ASPH: variants seen among roughly 807,000 people sequenced by gnomAD.
ASPH encodes aspartate beta-hydroxylase.
A neutral mutation model predicts 118.4 loss-of-function variants in ASPH; 100 were observed. That is an observed-to-expected ratio of 0.84 (90% CI 0.72 to 1.00). The LOEUF is 1.00. Ranked by LOEUF, ASPH falls within the 50% of genes least tolerant of loss-of-function variation. ASPH has a pLI of 0.00. For synonymous variants in ASPH, 315 were observed against 325.6 expected, an observed-to-expected ratio of 0.97 and a Z score of 0.35; for missense variants, 920 against 919.5, an observed-to-expected ratio of 1.00 and a Z score of -0.01.
chr8:61,676,742 G>A (rs1450389286), intron 3 of ASPH, among the ~76,000 whole-genome samples: 8 of 152,110 alleles, frequency 5.3e-5, no homozygotes, highest in African/African-American at 1.4e-4. Flanking sequence ...AGATTTTATC[G>A]AGAGTTGATT....
intron 24 of ASPH, among the ~76,000 whole-genome samples, chr8:61,512,481 AAC>A (rs1230167092): frequency 6.6e-6 from 1 of 152,210 alleles, no homozygotes; most frequent in Non-Finnish European, 1.5e-5. Context: ...AGGACAGGGG[AAC>A]AGATTCTCCC....
chr8:61,635,521 C>T (rs1005696673), intron 12 of ASPH, among the ~76,000 whole-genome samples: 2 of 152,102 alleles, frequency 1.3e-5, no homozygotes, highest in Non-Finnish European at 2.9e-5. Context: ...AATGTCTGAT[C>T]TGGGGCGTTT....
In ASPH at chr8:61,633,788, G is replaced by A. The variant is rs1004022276; in HGVS notation, c.890-61C>T. 53 of 1,156,810 alleles carry A rather than the reference G, an allele frequency of 4.6e-5. No individual in the cohort carries two copies. In the East Asian group the frequency reaches 6.0e-4, roughly 13 times the overall value. The allele number at this position is 1,156,810 out of a possible 1,614,324, so 71.7% of individuals were successfully genotyped here. ...TTGCTGATCAGTGTTTAAAATATGC[G>A]TTGCCAGATTTAAGTAATGATGATA... On this transcript the variant is annotated intron_variant, in intron 12 of 24. Transcript: ENST00000379454.
At chr8:61,571,990 T>G (rs1833606417) in intron 16 of ASPH, among the ~76,000 whole-genome samples, 1 of 152,240 alleles carries the variant, frequency 6.6e-6, no homozygotes, top group African/African-American at 2.4e-5. Context: ...CTGCTAAAGC[T>G]GGTCTGTACC....
chr8:61,523,329 T>TTTG (rs1813916467), intron 22 of ASPH, among the ~76,000 whole-genome samples: 3 of 150,690 alleles, frequency 2.0e-5, no homozygotes, highest in Non-Finnish European at 3.0e-5. Context: ...TCTTTTTTTT[T>TTTG]TTTTTTTTGA....
chr8:61,578,818 T>C (rs1836300411), intron 15 of ASPH: 3 of 1,607,326 alleles, frequency 1.9e-6, no homozygotes, highest in South Asian at 1.1e-5. Flanking sequence ...AAGAAGGATG[T>C]GGATGAAGCT....
chr8:61,657,052 A>T (rs1447887714), intron 3 of ASPH: 1 of 152,262 alleles, frequency 6.6e-6, no homozygotes. Flanking sequence ...GAAACTTAAA[A>T]AATAAGAAAC....
At chr8:61,676,680 G>A (rs1389975533) in intron 3 of ASPH, among the ~76,000 whole-genome samples, 1 of 151,826 alleles carries the variant, frequency 6.6e-6, no homozygotes, top group Non-Finnish European at 1.5e-5. Flanking sequence ...GCAGTATCAG[G>A]GAAAAAAAGA....
chr8:61,535,475 A>T (rs1819141551), intron 21 of ASPH, among the ~76,000 whole-genome samples: 1 of 152,214 alleles, frequency 6.6e-6, no homozygotes, highest in Non-Finnish European at 1.5e-5. Flanking sequence ...AGGCATCGAG[A>T]AAACAGACAC....
rs545547366 is a variant in ASPH, at chr8:61,578,373, G to A, written c.1063-1515C>T. ...CAGCAGCTTTCGGGGTGGCCTGGGAGGCGGCTATAGTGGGGCCAGCGGCAT... is the reference window on the plus strand; with the variant it reads ...CAGCAGCTTTCGGGGTGGCCTGGGAAGCGGCTATAGTGGGGCCAGCGGCAT... On this transcript the variant is annotated intron_variant, in intron 15 of 24. Coordinates refer to ENST00000379454, the MANE Select transcript of ASPH (RefSeq NM_004318.4). The A allele has an allele frequency of 1.2e-4, 186 of 1,605,124 alleles. 1 individual carries two copies. The highest frequency in any genetic ancestry group is 4.3e-4 in the South Asian group (39 of 90,794).
At chr8:61,572,230 G>T (rs1021041603) in intron 16 of ASPH, among the ~76,000 whole-genome samples, 2 of 152,248 alleles carry the variant, frequency 1.3e-5, no homozygotes, top group African/African-American at 2.4e-5. Flanking sequence ...CTCCATAGGG[G>T]TGCTGTCAGC....
intron 14 of ASPH, among the ~76,000 whole-genome samples, chr8:61,599,306 A>G (rs886880743): frequency 2.6e-5 from 4 of 152,006 alleles, no homozygotes; most frequent in African/African-American, 9.7e-5. Flanking sequence ...AACATCACAC[A>G]CCGGGGCCTG....
At chr8:61,662,761 T>C in intron 3 of ASPH, 1 of 769,640 alleles carries the variant, frequency 1.3e-6, no homozygotes, top group Non-Finnish European at 1.6e-6. Context: ...AATGTTTTAG[T>C]TGAGGTGTTT....
chr8:61,511,133 T>C (rs1284027623), intron 24 of ASPH, among the ~76,000 whole-genome samples: 1 of 152,210 alleles, frequency 6.6e-6, no homozygotes, highest in African/African-American at 2.4e-5. Flanking sequence ...TATTTTAGCA[T>C]GACTTTCACA....
At chr8:61,654,182 A>G (rs1209173379) in intron 3 of ASPH, among the ~76,000 whole-genome samples, 1 of 152,224 alleles carries the variant, frequency 6.6e-6, no homozygotes, top group Admixed American at 6.5e-5. Flanking sequence ...TAATCATATT[A>G]TTCTATAACA....
Position 61,627,150 on chromosome 8 carries a change from AG to A in ASPH, c.934+6532del, listed in dbSNP as rs1853265383. ...AATGAATGCTTCTATTTCCCCAAAA[AG>A]ACATTACAAAAATATTCATAGCAGC... On this transcript the variant is annotated intron_variant, in intron 13 of 24. Coordinates refer to ENST00000379454, the MANE Select transcript of ASPH (RefSeq NM_004318.4). 1.2e-4 allele frequency among the ~76,000 whole-genome samples: 19 copies of A among 152,346 alleles called. No individual in the cohort carries two copies. The South Asian group carries it at 3.9e-3, about 32-fold the overall frequency.
At chr8:61,703,297 G>A (rs1835716321) in intron 1 of ASPH, among the ~76,000 whole-genome samples, 1 of 152,096 alleles carries the variant, frequency 6.6e-6, no homozygotes, top group Non-Finnish European at 1.5e-5. Flanking sequence ...CCTAATTAGT[G>A]CAGTAAGGCA....
intron 18 of ASPH, among the ~76,000 whole-genome samples, chr8:61,559,212 A>G (rs796797704): frequency 9.8e-5 from 15 of 152,328 alleles, no homozygotes; most frequent in African/African-American, 3.6e-4. Flanking sequence ...TTTTAAAATA[A>G]CATGTTCTTT....
chr8:61,702,973 A>G (rs1181806934), intron 1 of ASPH, among the ~76,000 whole-genome samples: 1 of 152,226 alleles, frequency 6.6e-6, no homozygotes, highest in East Asian at 1.9e-4. Flanking sequence ...AGAGGAAAAA[A>G]GGAAGGAAAT....
Sources: allele counts gnomAD v4.1 joint callset (sites outside exome capture counted in the v4.1 genomes callset), GRCh38; gene constraint gnomAD v4.1.1; transcripts MANE v1.5; gene names NCBI Gene and HGNC (gene_info 2026-07-23, HGNC 2026-07-21).